The following ASTN2 variants were observed in gnomAD, a reference collection of about 807,000 sequenced individuals.
The protein encoded by ASTN2 is astrotactin 2.
Under a neutral mutation model 139.8 loss-of-function variants are expected in ASTN2, and 54 were observed. The observed-to-expected ratio is 0.39, with a 90% CI of 0.31 to 0.48. The LOEUF is 0.48. ASTN2 is among the 20% of genes least tolerant of loss of function. ASTN2 has a pLI of 0.95. For missense variants in ASTN2, 1,565 were observed against 1,725.1 expected (o/e 0.91, Z 1.64); for synonymous variants, 756 against 719.5 (o/e 1.05, Z -0.81).
At position 117,414,384 on chromosome 9, in the gene ASTN2, A is replaced by C; in HGVS notation, c.442+113T>G. Reference sequence around the variant, plus strand: ...TGGGCCCCTCCTCTACCCTCTGCCAACCCCACTCGGGGCAGCCCCGGGCAG... The same window carrying C: ...TGGGCCCCTCCTCTACCCTCTGCCACCCCCACTCGGGGCAGCCCCGGGCAG... On this transcript the variant is annotated intron_variant, in intron 1 of 22. Transcript: ENST00000313400. This position sits in a 1 kb window ranked among gnomAD's most constrained non-coding sequence, Gnocchi z 4.2. 6.7e-7 allele frequency: 1 copy of C among 1,498,530 alleles called. No individual in the cohort carries two copies. Among genetic ancestry groups the C allele is most frequent in the Non-Finnish European group, 8.9e-7 (1 of 1,122,986 alleles). 92.8% of individuals were successfully genotyped at this position (1,498,530 alleles called of 1,614,324 possible).
chr9:116,843,227 G>A (rs1832319057), intron 11 of ASTN2, among the ~76,000 whole-genome samples: 1 of 152,130 alleles, frequency 6.6e-6, no homozygotes. Flanking sequence ...AAAAAAATGT[G>A]GTGTGTATAC....
At chr9:116,632,205 A>AAAAGAAAG (rs1554723306) in intron 17 of ASTN2, among the ~76,000 whole-genome samples, 844 of 45,244 alleles carry the variant, frequency 0.019, 26 homozygotes, top group Middle Eastern at 0.044. Context: ...AGAAAGAAAG[A>AAAAGAAAG]AAAGAAAGAA....
At chr9:117,087,391 C>A (rs186805097) in intron 5 of ASTN2, among the ~76,000 whole-genome samples, 179 of 152,188 alleles carry the variant, frequency 1.2e-3, no homozygotes, top group Non-Finnish European at 2.0e-3. Flanking sequence ...CATGCCACTA[C>A]ATCTGGCTAA....
chr9:116,708,891 C>T (rs1828067206), intron 16 of ASTN2, among the ~76,000 whole-genome samples: 1 of 152,228 alleles, frequency 6.6e-6, no homozygotes, highest in Non-Finnish European at 1.5e-5. Context: ...TTAGTGACCC[C>T]TGAGAGTCCT....
chr9:117,114,282 A>G (rs1225793432), intron 4 of ASTN2, among the ~76,000 whole-genome samples: 1 of 152,156 alleles, frequency 6.6e-6, no homozygotes, highest in Non-Finnish European at 1.5e-5. Flanking sequence ...TCATTATCGA[A>G]TGACACTCTT....
At position 117,305,177 on chromosome 9, in the gene ASTN2, C is replaced by A. The variant is rs182951955; in HGVS notation, c.443-13664G>T. On this transcript the variant is annotated intron_variant, in intron 1 of 22. Transcript: ENST00000313400. ...GTGGAATTCCACTCTTGTCTTTGCT[C>A]TGTGACCTTTGGTGAGGCATTCATT... 1.2e-4 allele frequency among the ~76,000 whole-genome samples: 19 copies of A among 152,332 alleles called. No homozygotes were observed. The East Asian group carries it at 3.5e-3, about 28-fold the overall frequency.
intron 11 of ASTN2, among the ~76,000 whole-genome samples, chr9:116,859,708 G>A (rs1832828614): frequency 6.6e-6 from 1 of 152,214 alleles, no homozygotes; most frequent in South Asian, 2.1e-4. Flanking sequence ...TGTATGAAGG[G>A]GATGAGGGGG....
intron 19 of ASTN2, among the ~76,000 whole-genome samples, chr9:116,532,263 C>T (rs1048087963): frequency 5.9e-5 from 9 of 152,026 alleles, no homozygotes; most frequent in African/African-American, 1.9e-4. Flanking sequence ...GGATATTAGC[C>T]CTTTGTCAGA....
intron 22 of ASTN2, among the ~76,000 whole-genome samples, chr9:116,432,931 GGGAA>G (rs916411736): frequency 2.0e-5 from 3 of 149,458 alleles, no homozygotes; most frequent in East Asian, 2.5e-4. Flanking sequence ...CTCCATCTTG[GGGAA>G]GGAAGGAAGG....
intron 6 of ASTN2, among the ~76,000 whole-genome samples, chr9:117,013,023 C>G (rs141525475): frequency 2.6e-4 from 40 of 152,260 alleles, no homozygotes; most frequent in Middle Eastern, 3.4e-3. Flanking sequence ...TCCCCTCCCC[C>G]CATCCCTCAC....
chr9:116,963,332 G>C (rs1835920495), intron 10 of ASTN2, among the ~76,000 whole-genome samples: 1 of 152,190 alleles, frequency 6.6e-6, no homozygotes, highest in Non-Finnish European at 1.5e-5. Flanking sequence ...CAAGGAAAAT[G>C]GAAAGTGTAC....
chr9:116,958,975 G>A (rs916498918), intron 10 of ASTN2, among the ~76,000 whole-genome samples: 4 of 152,160 alleles, frequency 2.6e-5, no homozygotes, highest in African/African-American at 9.7e-5. Flanking sequence ...ATTTGAGGGT[G>A]GCAAGAGTGA....
intron 19 of ASTN2, among the ~76,000 whole-genome samples, chr9:116,550,352 T>C (rs966234633): frequency 1.3e-5 from 2 of 152,330 alleles, no homozygotes; most frequent in South Asian, 2.1e-4. Context: ...CCCTGTATTA[T>C]AGTTTTAAGT....
intron 2 of ASTN2, among the ~76,000 whole-genome samples, chr9:117,229,183 G>A (rs1832810121): frequency 6.6e-6 from 1 of 152,108 alleles, no homozygotes; most frequent in Non-Finnish European, 1.5e-5. Flanking sequence ...CCAGGCTGCA[G>A]GGGAATCTGG....
In ASTN2 at chr9:117,233,046, T is replaced by C. The variant is rs140255830; in HGVS notation, c.631-18304A>G. Among the ~76,000 whole-genome samples, 209 of 152,294 alleles carry C rather than the reference T, an allele frequency of 1.4e-3. 2 individuals are homozygous for C. The highest frequency in any genetic ancestry group is 4.6e-3 in the African/African-American group (191 of 41,562). The stretch of plus-strand genomic sequence containing the variant: ...ATTCTGGAGCTCCTCTCTTTGCTGT[T>C]AACAAGCAAGTCTTCTAGGAGGTGA... On this transcript the variant is annotated intron_variant, in intron 2 of 22. Coordinates refer to ENST00000313400, the MANE Select transcript of ASTN2 (RefSeq NM_001365068.1).
At chr9:116,935,690 G>A (rs932896178) in intron 10 of ASTN2, among the ~76,000 whole-genome samples, 11 of 152,130 alleles carry the variant, frequency 7.2e-5, no homozygotes, top group Non-Finnish European at 1.2e-4. Context: ...GGCAACTTAC[G>A]TCACCTCTCT....
intron 16 of ASTN2, among the ~76,000 whole-genome samples, chr9:116,655,875 TG>T: frequency 6.6e-6 from 1 of 151,740 alleles, no homozygotes; most frequent in Admixed American, 6.6e-5. Flanking sequence ...TTGTGTTTTT[TG>T]TTGTTGTTGT....
At chr9:116,944,093 A>G (rs1835311839) in intron 10 of ASTN2, among the ~76,000 whole-genome samples, 1 of 152,138 alleles carries the variant, frequency 6.6e-6, no homozygotes, top group Non-Finnish European at 1.5e-5. Context: ...TCTCATTTTT[A>G]TAACTACCTT....
chr9:116,556,024 G>A (rs571517030), intron 19 of ASTN2, among the ~76,000 whole-genome samples: 2 of 152,270 alleles, frequency 1.3e-5, no homozygotes, highest in African/African-American at 2.4e-5. Flanking sequence ...CAACAGCACT[G>A]CATTCAACAC....
Sources: allele counts gnomAD v4.1 joint callset (sites outside exome capture counted in the v4.1 genomes callset), GRCh38; gene constraint gnomAD v4.1.1; non-coding constraint Gnocchi (gnomAD v3.1); transcripts MANE v1.5; gene names NCBI Gene and HGNC (gene_info 2026-07-23, HGNC 2026-07-21).